Variants in STPG4 observed in about 807,000 individuals in gnomAD.
STPG4 encodes the protein protein STPG4.
Under a neutral mutation model 31.5 loss-of-function variants are expected in STPG4, and 41 were observed. The ratio of observed to expected loss-of-function variants is 1.30; its 90% CI spans 1.01 to 1.69. The LOEUF (loss-of-function observed/expected upper bound fraction) is 1.69, where lower values mean the gene tolerates loss of function less well. Ranked by LOEUF, STPG4 falls within the 40% of genes most tolerant of loss-of-function variation. The pLI, the probability that STPG4 is intolerant of heterozygous loss-of-function variation, is 0.00. For synonymous variants in STPG4, 141 were observed against 103.0 expected (o/e 1.37, Z -2.24); for missense variants, 375 against 293.4 (o/e 1.28, Z -2.03).
At chr2:47,099,072 G>A (rs116163739) in intron 5 of STPG4, among the ~76,000 whole-genome samples, 1,873 of 152,240 alleles carry the variant, frequency 0.012, 46 homozygotes, top group African/African-American at 0.042. Flanking sequence ...AAAATATGAC[G>A]GTCTGGGTTT....
In STPG4 at chr2:47,152,963, T is replaced by C. The variant is rs761976769; in HGVS notation, c.135A>G (p.Ala45=). The C allele has an allele frequency of 1.9e-6, 3 of 1,608,798 alleles. No individual in the cohort carries two copies. The highest frequency in any genetic ancestry group is 1.8e-4 in the Middle Eastern group (1 of 5,656). Residue 45 remains alanine (A), a synonymous_variant, in exon 2 of 7, where the codon GCA becomes GCG. Coordinates refer to ENST00000445927, the MANE Select transcript of STPG4 (RefSeq NM_001163561.2). ...SFEREGWWRI[A]LTDTPIPGTY... ...GACTGAACAATGTACATACTGTTAA[T>C]GCTATTCTCCACCATCCTTCTCTTT...
intron 5 of STPG4, among the ~76,000 whole-genome samples, chr2:47,123,308 C>G (rs886618014): frequency 7.9e-5 from 12 of 152,084 alleles, no homozygotes; most frequent in African/African-American, 2.9e-4. Flanking sequence ...CAGAGAGGTG[C>G]TTCCTTTTTG....
chr2:47,089,265 T>C (rs1304708089), intron 6 of STPG4, among the ~76,000 whole-genome samples: 2 of 152,226 alleles, frequency 1.3e-5, no homozygotes, highest in East Asian at 3.9e-4. Context: ...TCCCCCAGCC[T>C]CCTGCTGTCA....
intron 5 of STPG4, among the ~76,000 whole-genome samples, 160 bp from the exon 6 acceptor site, chr2:47,090,534 G>C (rs1685550388): frequency 6.6e-6 from 1 of 152,186 alleles, no homozygotes. Flanking sequence ...GCTGGGACAA[G>C]TCATTGTGAA....
intron 3 of STPG4, among the ~76,000 whole-genome samples, chr2:47,135,489 C>T (rs746656781): frequency 3.3e-4 from 50 of 152,088 alleles, no homozygotes; most frequent in Non-Finnish European, 5.4e-4. Flanking sequence ...CAGGTTCAAA[C>T]GATTCTCCTG....
In STPG4 at chr2:47,151,365, G is replaced by T; in HGVS notation, c.292C>A (p.Gln98Lys). The change falls in exon 3 of 7, where the codon CAG becomes AAG. Residue 98 changes from glutamine (Q) to lysine (K), a missense_variant. Physicochemically the swap from Gln to Lys is moderately conservative, Grantham distance 53 (BLOSUM62 1). Coordinates refer to ENST00000445927, the MANE Select transcript of STPG4 (RefSeq NM_001163561.2). ...RNNPVLNDLP[Q>K]YMPPDFLDLL... ...TCCAGGAAGTCAGGAGGCATATACT[G>T]CGGAAGATCATTTAGGACTGGATTG... 3.1e-6 allele frequency: 5 copies of T among 1,614,204 alleles called. No individual in the cohort carries two copies. The highest frequency in any genetic ancestry group is 4.2e-6 in the Non-Finnish European group (5 of 1,180,040).
chr2:47,129,046 C>G (rs1686418858), intron 5 of STPG4: 1 of 152,234 alleles, frequency 6.6e-6, no homozygotes, highest in Non-Finnish European at 1.5e-5. Flanking sequence ...GGATTCTCTT[C>G]CAGCCAGAGA....
At chr2:47,147,052 T>C (rs766367556) in intron 3 of STPG4, among the ~76,000 whole-genome samples, 2 of 152,066 alleles carry the variant, frequency 1.3e-5, no homozygotes, top group African/African-American at 2.4e-5. Flanking sequence ...AGGGGGAGGA[T>C]TGCTTGAGCC....
chr2:47,088,808 T>C (rs764215761), intron 6 of STPG4, among the ~76,000 whole-genome samples: 3 of 152,180 alleles, frequency 2.0e-5, no homozygotes, highest in Non-Finnish European at 4.4e-5. Context: ...GGAAATCTAA[T>C]CAAGTCCTAG....
intron 3 of STPG4, among the ~76,000 whole-genome samples, chr2:47,134,440 G>A (rs1686556074): frequency 6.6e-6 from 1 of 152,134 alleles, no homozygotes; most frequent in African/African-American, 2.4e-5. Context: ...ATGTCATAGA[G>A]GTGGAATCAT....
intron 5 of STPG4, among the ~76,000 whole-genome samples, chr2:47,122,860 C>A (rs1686300766): frequency 6.6e-6 from 1 of 152,148 alleles, no homozygotes; most frequent in African/African-American, 2.4e-5. Flanking sequence ...GAGTCTCACT[C>A]TATTGCCCAG....
At chr2:47,113,657 G>C (rs905939569) in intron 5 of STPG4, among the ~76,000 whole-genome samples, 1 of 152,190 alleles carries the variant, frequency 6.6e-6, no homozygotes, top group South Asian at 2.1e-4. Context: ...GTATGCTCTT[G>C]ATTGCTGAAG....
chr2:47,105,199 C>T (rs1310828136), intron 5 of STPG4, among the ~76,000 whole-genome samples: 1 of 151,940 alleles, frequency 6.6e-6, no homozygotes, highest in Non-Finnish European at 1.5e-5. Context: ...TCTTGGAGTC[C>T]TTACTCAGAC....
At chr2:47,110,461 G>A (rs1459153145) in intron 5 of STPG4, among the ~76,000 whole-genome samples, 2 of 152,216 alleles carry the variant, frequency 1.3e-5, no homozygotes, top group Non-Finnish European at 2.9e-5. Context: ...AGGCCTGGTG[G>A]CGGGCACCTG....
intron 5 of STPG4, among the ~76,000 whole-genome samples, chr2:47,125,230 G>C (rs577033822): frequency 3.0e-4 from 46 of 152,194 alleles, no homozygotes; most frequent in African/African-American, 1.1e-3. Context: ...AGACCAGCCT[G>C]GGCAACATGG....
At chr2:47,138,685 G>C (rs1273240924) in intron 3 of STPG4, among the ~76,000 whole-genome samples, 1 of 152,150 alleles carries the variant, frequency 6.6e-6, no homozygotes, top group Non-Finnish European at 1.5e-5. Flanking sequence ...AAGTAGCTGG[G>C]ATTACAGGAA....
chr2:47,093,336 C>T (rs527712496), intron 5 of STPG4, among the ~76,000 whole-genome samples: 3 of 152,314 alleles, frequency 2.0e-5, no homozygotes, highest in African/African-American at 4.8e-5. Context: ...GGGTGAGGCT[C>T]TCTGTGTGGT....
intron 3 of STPG4, among the ~76,000 whole-genome samples, chr2:47,143,631 G>A (rs541826757): frequency 4.6e-5 from 7 of 152,028 alleles, no homozygotes; most frequent in South Asian, 2.1e-4. Flanking sequence ...GACTATAGGC[G>A]TGCGCCACCA....
chr2:47,126,617 G>T (rs1686371104), intron 5 of STPG4, among the ~76,000 whole-genome samples: 1 of 152,132 alleles, frequency 6.6e-6, no homozygotes, highest in African/African-American at 2.4e-5. Context: ...ATGAGCCACT[G>T]CACCTGGCCT....
Sources: allele counts gnomAD v4.1 joint callset (sites outside exome capture counted in the v4.1 genomes callset), GRCh38; gene constraint gnomAD v4.1.1; transcripts MANE v1.5; gene names NCBI Gene and HGNC (gene_info 2026-07-23, HGNC 2026-07-21).